RBFOX1: variants seen among roughly 807,000 people sequenced by gnomAD.
The protein encoded by RBFOX1 is RNA binding fox-1 homolog 1.
In RBFOX1, 8 loss-of-function variants were observed where a neutral mutation model predicts 57.7. The observed-to-expected ratio is 0.14, with a 90% CI of 0.08 to 0.25. RBFOX1 has a LOEUF of 0.25. RBFOX1 is among the 10% of genes least tolerant of loss of function. The pLI, the probability that RBFOX1 is intolerant of heterozygous loss-of-function variation, is 1.00. For synonymous variants in RBFOX1, 326 were observed against 222.4 expected (o/e 1.47, Z -4.15); for missense variants, 611 against 548.5 (o/e 1.11, Z -1.14).
chr16:5,427,056 T>G (rs1436422253), intron 1 of RBFOX1, among the ~76,000 whole-genome samples: 1 of 152,102 alleles, frequency 6.6e-6, no homozygotes, highest in Non-Finnish European at 1.5e-5. Flanking sequence ...GGCTTTTACC[T>G]CATGGTGTCT....
intron 14 of RBFOX1, among the ~76,000 whole-genome samples, chr16:7,701,236 GACTTTGCTGCATTTTTAGTC>G (rs2080593719): frequency 6.9e-6 from 1 of 145,478 alleles, no homozygotes; most frequent in African/African-American, 2.8e-5. Flanking sequence ...CATTTTTGGA[GACTTTGCTGCATTTTTAGTC>G]ATTTTGTAGG....
chr16:6,469,535 T>TGA (rs2095127453), intron 2 of RBFOX1, among the ~76,000 whole-genome samples: 1 of 152,032 alleles, frequency 6.6e-6, no homozygotes, highest in African/African-American at 2.4e-5. Flanking sequence ...AAATACGGGG[T>TGA]GAGACGAGAT....
chr16:6,839,589 A>G (rs72768806), intron 3 of RBFOX1, among the ~76,000 whole-genome samples: 10,266 of 152,170 alleles, frequency 0.067, 512 homozygotes, highest in Non-Finnish European at 0.11. Flanking sequence ...TTTCCACAAT[A>G]TTGAACTTGT....
intron 4 of RBFOX1, among the ~76,000 whole-genome samples, chr16:7,286,150 A>G (rs555078117): frequency 1.3e-5 from 2 of 152,352 alleles, no homozygotes; most frequent in East Asian, 3.9e-4. Flanking sequence ...CACTGCTGGC[A>G]TAGGGATTAA....
At chr16:7,704,566 T>C (rs971135887) in intron 14 of RBFOX1, among the ~76,000 whole-genome samples, 1 of 152,132 alleles carries the variant, frequency 6.6e-6, no homozygotes, top group African/African-American at 2.4e-5. Flanking sequence ...TCTTGCTGCC[T>C]CCTCTCTACC....
intron 4 of RBFOX1, among the ~76,000 whole-genome samples, chr16:7,206,952 A>C (rs887427359): frequency 1.3e-5 from 2 of 152,152 alleles, no homozygotes; most frequent in African/African-American, 4.8e-5. Flanking sequence ...TGGTAGTCCC[A>C]CTTACAGTGC....
intron 14 of RBFOX1, among the ~76,000 whole-genome samples, chr16:7,692,131 A>G (rs1465550986): frequency 6.6e-6 from 1 of 152,176 alleles, no homozygotes; most frequent in Non-Finnish European, 1.5e-5. Flanking sequence ...GTCTGTGTCA[A>G]AAAGCCCAAA....
rs538889600 is a variant in RBFOX1, at chr16:6,991,142, A to T, written c.-15-60915A>T. ...CGTAATAAAATTGTCTCTCCAAAAA[A>T]AAAAAAAAAAAAAAAAAAAAGACAC... is the stretch of plus-strand genomic sequence containing the variant. On this transcript the variant is annotated intron_variant, in intron 3 of 15. Transcript: ENST00000550418. Among the ~76,000 whole-genome samples, 892 of 138,928 alleles carry T rather than the reference A, an allele frequency of 6.4e-3. 21 individuals carry two copies. The highest frequency in any genetic ancestry group is 0.025 in the African/African-American group (847 of 34,030). 91.1% of individuals were successfully genotyped at this position (138,928 alleles called of 152,430 possible).
chr16:7,566,772 G>A (rs1310227891), intron 5 of RBFOX1, among the ~76,000 whole-genome samples: 2 of 152,096 alleles, frequency 1.3e-5, no homozygotes, highest in Non-Finnish European at 2.9e-5. Context: ...GGATAGGGGA[G>A]AAGCAAAAGC....
chr16:6,206,723 A>T (rs550394162), intron 1 of RBFOX1, among the ~76,000 whole-genome samples: 2 of 152,330 alleles, frequency 1.3e-5, no homozygotes, highest in African/African-American at 4.8e-5. Context: ...CCCCTGTTGT[A>T]ACCTCTTACA....
chr16:5,608,460 C>G (rs1466507220), intron 3 of RBFOX1, among the ~76,000 whole-genome samples: 1 of 152,194 alleles, frequency 6.6e-6, no homozygotes, highest in Non-Finnish European at 1.5e-5. Context: ...AGCCTTGAGT[C>G]CCAGCCCTGC....
chr16:6,154,059 C>A (rs181020002), intron 1 of RBFOX1, among the ~76,000 whole-genome samples: 2 of 152,176 alleles, frequency 1.3e-5, no homozygotes, highest in African/African-American at 4.8e-5. Flanking sequence ...CTCATGGAAA[C>A]CTCCACTGGC....
At chr16:6,656,463 C>G (rs577165883) in intron 3 of RBFOX1, among the ~76,000 whole-genome samples, 1 of 152,014 alleles carries the variant, frequency 6.6e-6, no homozygotes. Flanking sequence ...ATGTGAACTG[C>G]CTTTGGTTAA....
At chr16:7,220,265 C>T (rs761481514) in intron 4 of RBFOX1, among the ~76,000 whole-genome samples, 12 of 152,162 alleles carry the variant, frequency 7.9e-5, no homozygotes, top group Non-Finnish European at 1.6e-4. Flanking sequence ...CGTCAGTGGG[C>T]GTCTGGTCCT....
chr16:6,589,437 G>A (rs1253762364), intron 2 of RBFOX1, among the ~76,000 whole-genome samples: 1 of 152,202 alleles, frequency 6.6e-6, no homozygotes, highest in Non-Finnish European at 1.5e-5. Flanking sequence ...AGTGCTGACT[G>A]GTCAGGTTGG....
intron 1 of RBFOX1, among the ~76,000 whole-genome samples, chr16:6,159,379 T>A (rs770648336): frequency 3.3e-5 from 5 of 152,148 alleles, no homozygotes; most frequent in Non-Finnish European, 7.4e-5. Context: ...ACACGGCCTC[T>A]GTCATAGGTT....
chr16:7,499,648 A>G (rs2069979635), intron 4 of RBFOX1, among the ~76,000 whole-genome samples: 1 of 152,200 alleles, frequency 6.6e-6, no homozygotes, highest in Non-Finnish European at 1.5e-5. Flanking sequence ...AAAAACAGTA[A>G]GTGAAGAGGA....
At chr16:7,085,393 C>G (rs2059837975) in intron 4 of RBFOX1, among the ~76,000 whole-genome samples, 1 of 152,080 alleles carries the variant, frequency 6.6e-6, no homozygotes, top group South Asian at 2.1e-4. Flanking sequence ...TATTTGAAAT[C>G]TCTTGGTTTT....
intron 1 of RBFOX1, among the ~76,000 whole-genome samples, chr16:5,336,223 G>T (rs1480077333): frequency 3.3e-5 from 5 of 152,146 alleles, no homozygotes; most frequent in Non-Finnish European, 4.4e-5. Context: ...TGTCAAAGGG[G>T]GATGGCACTG....
Sources: gnomAD v4.1 joint callset for allele counts (sites outside exome capture counted in the v4.1 genomes callset) on GRCh38, gnomAD v4.1.1 for gene constraint, MANE v1.5 for transcripts, NCBI Gene and HGNC (gene_info 2026-07-23, HGNC 2026-07-21) for gene names.